Variants in GRK3 observed in about 807,000 individuals in gnomAD.
GRK3 encodes adrenergic, beta, receptor kinase 2.
GRK3 carries 54 observed loss-of-function variants against 95.7 expected under a neutral mutation model. The observed-to-expected ratio is 0.56, with a 90% CI of 0.45 to 0.71. The LOEUF is 0.71. GRK3 is among the 30% of genes least tolerant of loss of function. GRK3 has a pLI of 0.00. For synonymous variants in GRK3, 281 were observed against 290.8 expected (o/e 0.97, Z 0.34); for missense variants, 649 against 851.2 (o/e 0.76, Z 2.96).
intron 2 of GRK3, among the ~76,000 whole-genome samples, chr22:25,605,410 A>T (rs189171566): frequency 5.3e-5 from 8 of 152,340 alleles, no homozygotes; most frequent in Admixed American, 2.6e-4. Flanking sequence ...TGGTTACTAT[A>T]AGCTACACAG....
At position 25,722,395 on chromosome 22, in the gene GRK3, G is replaced by T. The variant is rs141685054; in HGVS notation, c.2012G>T (p.Gly671Val). 2.7e-5 allele frequency: 44 copies of T among 1,614,172 alleles called. No individual in the cohort carries two copies. The African/African-American group carries it at 4.8e-4, about 18-fold the overall frequency. Residue 671 changes from glycine (G) to valine (V), a missense_variant, in exon 21 of 21, where the codon GGT (glycine) becomes GTT (valine). Around this residue, in one of 3 missense-constraint regions of GRK3, gnomAD observed 382 missense variants for 493.8 expected, o/e 0.77. Coordinates refer to ENST00000324198, the MANE Select transcript of GRK3 (RefSeq NM_005160.4). ...APKFLNKPRS[G>V]TVELPKPSLC... ...AAGTTCCTCAACAAACCTCGGTCAG[G>T]TACTGTGGAGCTCCCAAAGCCATCC...
At chr22:25,599,602 AAAAAG>A (rs991316703) in intron 1 of GRK3, among the ~76,000 whole-genome samples, 1 of 151,636 alleles carries the variant, frequency 6.6e-6, no homozygotes, top group African/African-American at 2.4e-5. Context: ...AAAAAAAAAA[AAAAAG>A]AAAAGAAAAA....
intron 3 of GRK3, among the ~76,000 whole-genome samples, chr22:25,653,500 G>T (rs1344092063): frequency 6.6e-6 from 1 of 152,098 alleles, no homozygotes; most frequent in Non-Finnish European, 1.5e-5. Context: ...TAACTTCAAA[G>T]AATATAAAGC....
chr22:25,688,077 A>G (rs996981877), intron 11 of GRK3, among the ~76,000 whole-genome samples: 4 of 152,096 alleles, frequency 2.6e-5, no homozygotes, highest in African/African-American at 4.8e-5. Flanking sequence ...TCTACTAAAA[A>G]TACAAAAAAT....
At chr22:25,587,998 C>T (rs1932372997) in intron 1 of GRK3, among the ~76,000 whole-genome samples, 1 of 152,118 alleles carries the variant, frequency 6.6e-6, no homozygotes, top group Non-Finnish European at 1.5e-5. Flanking sequence ...GGAGTTTCAC[C>T]ATGTTGCCCA....
At chr22:25,713,418 G>C (rs922679365) in intron 17 of GRK3, among the ~76,000 whole-genome samples, 10 of 152,320 alleles carry the variant, frequency 6.6e-5, no homozygotes, top group Admixed American at 5.2e-4. Flanking sequence ...AATGAGACTG[G>C]ATGGAGTAGG....
In GRK3 at chr22:25,649,361, C is replaced by T. The variant is rs191837134; in HGVS notation, c.264+4696C>T. 207 of 593,946 alleles carry T rather than the reference C, an allele frequency of 3.5e-4. No individual in the cohort carries two copies. In the African/African-American group the frequency reaches 3.6e-3, roughly 10 times the overall value. 36.8% of individuals were successfully genotyped at this position (593,946 alleles called of 1,614,324 possible). A position where few individuals can be genotyped will look rare whatever the true frequency, so the allele number is the denominator to read the frequency against. On this transcript the variant is annotated intron_variant, in intron 3 of 20. Coordinates refer to ENST00000324198, the MANE Select transcript of GRK3 (RefSeq NM_005160.4). ...CATTTTTAATGGTAAACTGGAGTCC[C>T]AGATATGGTTCCACAAAACCACTTT...
intron 2 of GRK3, among the ~76,000 whole-genome samples, chr22:25,617,980 C>T (rs2146354134): frequency 6.6e-6 from 1 of 152,314 alleles, no homozygotes; most frequent in African/African-American, 2.4e-5. Context: ...GCCATGTTGG[C>T]CAGGCTGGTC....
chr22:25,565,035 G>T lies in GRK3; in HGVS notation c.-6G>T, dbSNP rs559915130. ...ACCGCCGCCGCCGCCGCCAAAGCTC[G>T]CCAACATGGCGGACCTGGAGGCTGT... On this transcript the variant is annotated 5_prime_UTR_variant, in exon 1 of 21. Coordinates refer to ENST00000324198, the MANE Select transcript of GRK3 (RefSeq NM_005160.4). 9 of 1,416,962 alleles carry T rather than the reference G, an allele frequency of 6.4e-6. No individual in the cohort carries two copies. The East Asian group carries it at 3.1e-4, about 48-fold the overall frequency. The allele number at this position is 1,416,962 out of a possible 1,614,324, so 87.8% of individuals were successfully genotyped here. A position where few individuals can be genotyped will look rare whatever the true frequency, so the allele number is the denominator to read the frequency against.
intron 1 of GRK3, among the ~76,000 whole-genome samples, chr22:25,587,893 A>G (rs5760980): frequency 0.094 from 11,786 of 125,746 alleles, 105 homozygotes; most frequent in African/African-American, 0.26. Context: ...CCCCAGCCAC[A>G]TGGAACTATA....
Position 25,725,568 on chromosome 22 carries a change from G to T in GRK3, c.*3118G>T, listed in dbSNP as rs1361990429. 1 of 398,412 alleles carries T rather than the reference G, an allele frequency of 2.5e-6. No individual in the cohort carries two copies. The highest frequency in any genetic ancestry group is 4.4e-6 in the Non-Finnish European group (1 of 226,060). The allele number at this position is 398,412 out of a possible 1,614,324, so 24.7% of individuals were successfully genotyped here. ...TTTTCAACAAAACTTCTAGAAGTCAGCTTATTATGTCACCATTCATGCAAA... is the reference window on the plus strand; with the variant it reads ...TTTTCAACAAAACTTCTAGAAGTCATCTTATTATGTCACCATTCATGCAAA... On this transcript the variant is annotated 3_prime_UTR_variant, in exon 21 of 21. Coordinates refer to ENST00000324198, the MANE Select transcript of GRK3 (RefSeq NM_005160.4).
chr22:25,709,687 A>G (rs1243155792), intron 15 of GRK3, among the ~76,000 whole-genome samples: 1 of 152,182 alleles, frequency 6.6e-6, no homozygotes, highest in Non-Finnish European at 1.5e-5. Flanking sequence ...ATAAATGATC[A>G]TATGGGATAA....
intron 5 of GRK3, among the ~76,000 whole-genome samples, chr22:25,666,132 G>A (rs1435818168): frequency 6.6e-6 from 1 of 152,212 alleles, no homozygotes; most frequent in Non-Finnish European, 1.5e-5. Context: ...GCCTGTTGCG[G>A]TTCTTTCTGT....
rs1429846137 is a variant in GRK3, at chr22:25,690,204, T to C, written c.973T>C (p.Leu325=). 1.2e-6 allele frequency: 2 copies of C among 1,613,898 alleles called. No individual in the cohort carries two copies. The highest frequency in any genetic ancestry group is 1.7e-6 in the Non-Finnish European group (2 of 1,179,850). The change falls in exon 12 of 21, where the codon TTG becomes CTG. Residue 325 remains leucine, a synonymous_variant. Transcript: ENST00000324198. ...TTCTGTTTAGCCAGCAAATATTCTC[T>C]TGGATGAACATGGACACGCAAGAAT... The part of the protein sequence containing the change: ...YRDLKPANIL[L]DEHGHARISD...
At chr22:25,624,577 A>G (rs1282747508) in intron 2 of GRK3, among the ~76,000 whole-genome samples, 1 of 152,068 alleles carries the variant, frequency 6.6e-6, no homozygotes, top group African/African-American at 2.4e-5. Flanking sequence ...AAACAAAAAC[A>G]AAAACAAAAA....
In GRK3 at chr22:25,644,645, C is replaced by T. The variant is rs1413361482; in HGVS notation, c.244C>T (p.Gln82Ter). ...GAATGAAATTAATGAAGCTGTACCTCAGGTGAAGTTTTATGAAGAGGTAAG... is the reference window on the plus strand; with the variant it reads ...GAATGAAATTAATGAAGCTGTACCTTAGGTGAAGTTTTATGAAGAGGTAAG... ...CLNEINEAVP[Q>*]VKFYEEIKEY... The change falls in exon 3 of 21, where the codon CAG (glutamine) becomes TAG (stop). Residue 82 changes from glutamine to a stop codon, truncating the protein, a stop_gained. Coordinates refer to ENST00000324198, the MANE Select transcript of GRK3 (RefSeq NM_005160.4). LOFTEE classifies it high-confidence loss of function. The T allele has an allele frequency of 5.7e-6, 9 of 1,568,976 alleles. No homozygotes were observed. Among genetic ancestry groups the T allele is most frequent in the Non-Finnish European group, 7.9e-6 (9 of 1,144,800 alleles).
intron 6 of GRK3, 101 bp downstream of exon 6, chr22:25,667,901 G>A (rs896765097): frequency 3.0e-5 from 21 of 696,548 alleles, no homozygotes; most frequent in Non-Finnish European, 5.1e-5. Context: ...TAATCATTTA[G>A]CAAGTATTCA....
At chr22:25,655,431 C>G (rs906840599) in intron 3 of GRK3, among the ~76,000 whole-genome samples, 1 of 152,182 alleles carries the variant, frequency 6.6e-6, no homozygotes, top group Non-Finnish European at 1.5e-5. Context: ...CTAGCTTTCT[C>G]TAAGGTCTAG....
intron 2 of GRK3, among the ~76,000 whole-genome samples, chr22:25,611,402 G>A (rs570289110): frequency 2.7e-4 from 41 of 152,242 alleles, no homozygotes; most frequent in African/African-American, 5.8e-4. Flanking sequence ...TTACCAAATT[G>A]CTTTTCAAAG....
Sources: allele counts gnomAD v4.1 joint callset (sites outside exome capture counted in the v4.1 genomes callset), GRCh38; gene constraint gnomAD v4.1.1; regional missense constraint gnomAD v4.1.1; transcripts MANE v1.5; gene names NCBI Gene and HGNC (gene_info 2026-07-23, HGNC 2026-07-21).